The following TRAPPC9 variants were observed in gnomAD, a reference collection of about 807,000 sequenced individuals.
TRAPPC9 encodes the protein trafficking protein particle complex subunit 9.
A neutral mutation model predicts 124.0 loss-of-function variants in TRAPPC9; 83 were observed. The ratio of observed to expected loss-of-function variants is 0.67; its 90% CI spans 0.56 to 0.80. The LOEUF is 0.80. Among genes scored for constraint, TRAPPC9 ranks in the 30% least tolerant of loss-of-function variants. The pLI is 0.00. For synonymous variants in TRAPPC9, 638 were observed against 617.5 expected (o/e 1.03, Z -0.49); for missense variants, 1,302 against 1,508.3 (o/e 0.86, Z 2.27).
intron 17 of TRAPPC9, among the ~76,000 whole-genome samples, chr8:140,085,537 C>G (rs1427094245): frequency 6.6e-6 from 1 of 152,220 alleles, no homozygotes; most frequent in African/African-American, 2.4e-5. Flanking sequence ...GAAGCCCCGT[C>G]AGGCAGCCCG....
At chr8:139,996,279 C>A (rs2131755597) in intron 18 of TRAPPC9, among the ~76,000 whole-genome samples, 1 of 141,436 alleles carries the variant, frequency 7.1e-6, no homozygotes, top group African/African-American at 2.6e-5. Context: ...ATAAGATAAA[C>A]AAAATTACCA....
chr8:140,363,185 G>GAAAAGGCTTGAGC lies in TRAPPC9; in HGVS notation c.1352-2993_1352-2992insGCTCAAGCCTTTT, dbSNP rs368936929. Among the ~76,000 whole-genome samples the GAAAAGGCTTGAGC allele has an allele frequency of 5.4e-4, 82 of 152,214 alleles. No homozygotes were observed. In the East Asian group the frequency reaches 0.015, roughly 28 times the overall value. The stretch of plus-strand genomic sequence containing the variant: ...GGGCAAAATTTAATCCCTCGTCCAG[G>GAAAAGGCTTGAGC]AAAAGGCATGATCAAAAATCTTCAT... On this transcript the variant is annotated intron_variant, in intron 8 of 22. Coordinates refer to ENST00000438773, the MANE Select transcript of TRAPPC9 (RefSeq NM_001160372.4).
At chr8:139,823,819 T>A (rs1261940551) in intron 21 of TRAPPC9, among the ~76,000 whole-genome samples, 1 of 152,136 alleles carries the variant, frequency 6.6e-6, no homozygotes, top group African/African-American at 2.4e-5. Context: ...ATCCTCAGGA[T>A]AATAAAACGT....
chr8:140,057,271 A>G (rs1842341517), intron 17 of TRAPPC9, among the ~76,000 whole-genome samples: 1 of 152,258 alleles, frequency 6.6e-6, no homozygotes, highest in Admixed American at 6.5e-5. Context: ...TATGGAAAAC[A>G]GTATGAAGTT....
chr8:139,948,860 T>A (rs1834447663), intron 19 of TRAPPC9, among the ~76,000 whole-genome samples: 2 of 152,170 alleles, frequency 1.3e-5, no homozygotes, highest in African/African-American at 4.8e-5. Context: ...GCGGATCACT[T>A]GAGGTCAGGA....
intron 17 of TRAPPC9, among the ~76,000 whole-genome samples, chr8:140,179,052 C>G (rs1202432628): frequency 1.3e-5 from 2 of 152,068 alleles, no homozygotes; most frequent in African/African-American, 4.8e-5. Flanking sequence ...AGAGAACAAG[C>G]TCTTGGTTTC....
intron 9 of TRAPPC9, among the ~76,000 whole-genome samples, chr8:140,342,877 C>G (rs2067234309): frequency 6.6e-6 from 1 of 152,108 alleles, no homozygotes; most frequent in African/African-American, 2.4e-5. Flanking sequence ...GGGACAAAAA[C>G]TCAAATGTGA....
chr8:139,752,598 T>G (rs746708315), intron 21 of TRAPPC9, among the ~76,000 whole-genome samples: 6 of 148,094 alleles, frequency 4.1e-5, no homozygotes, highest in South Asian at 2.2e-4. Flanking sequence ...CCATCCACCA[T>G]TCACACATCC....
At chr8:139,976,564 G>A (rs143142905) in intron 19 of TRAPPC9, among the ~76,000 whole-genome samples, 61 of 152,308 alleles carry the variant, frequency 4.0e-4, no homozygotes, top group African/African-American at 1.4e-3. Context: ...CAATAATAAG[G>A]CGGCTACGAA....
intron 20 of TRAPPC9, among the ~76,000 whole-genome samples, chr8:139,900,012 A>C (rs1212701691): frequency 6.6e-6 from 1 of 152,194 alleles, no homozygotes; most frequent in African/African-American, 2.4e-5. Context: ...GGAAGACTTC[A>C]TTCCACCATT....
intron 19 of TRAPPC9, among the ~76,000 whole-genome samples, chr8:139,925,305 G>C (rs1304028687): frequency 3.9e-5 from 6 of 152,232 alleles, no homozygotes; most frequent in Non-Finnish European, 8.8e-5. Context: ...AGGAAAAGGG[G>C]TGGAGTCTTT....
chr8:140,358,552 C>A (rs1328954020), intron 9 of TRAPPC9, among the ~76,000 whole-genome samples: 4 of 152,224 alleles, frequency 2.6e-5, no homozygotes, highest in East Asian at 3.8e-4. Flanking sequence ...GAGATGCACA[C>A]CCCACGTTAC....
chr8:140,016,358 C>T (rs1221347045), intron 18 of TRAPPC9, among the ~76,000 whole-genome samples: 1 of 152,110 alleles, frequency 6.6e-6, no homozygotes, highest in African/African-American at 2.4e-5. Context: ...GAGGACTTTG[C>T]TAGGGTGAGG....
At chr8:139,744,468 C>T (rs1586746201) in intron 21 of TRAPPC9, among the ~76,000 whole-genome samples, 4 of 152,126 alleles carry the variant, frequency 2.6e-5, no homozygotes, top group Admixed American at 2.6e-4. Context: ...GTGACAGAGA[C>T]GGAAGAAGGA....
chr8:140,076,545 C>T (rs1369134823), intron 17 of TRAPPC9, among the ~76,000 whole-genome samples: 5 of 152,216 alleles, frequency 3.3e-5, no homozygotes, highest in African/African-American at 1.2e-4. Flanking sequence ...TGTGTCCATC[C>T]GCATTCCACG....
At chr8:139,858,136 G>C (rs1326333322) in intron 21 of TRAPPC9, among the ~76,000 whole-genome samples, 2 of 152,206 alleles carry the variant, frequency 1.3e-5, no homozygotes, top group African/African-American at 2.4e-5. Context: ...AAAACATTAT[G>C]AAAACAAGTT....
At chr8:140,278,971 A>G (rs556812487) in intron 14 of TRAPPC9, among the ~76,000 whole-genome samples, 1 of 152,140 alleles carries the variant, frequency 6.6e-6, no homozygotes, top group Admixed American at 6.5e-5. Context: ...ATCTCATCTG[A>G]CCCACTGTGT....
At chr8:140,137,513 C>T (rs757914207) in intron 17 of TRAPPC9, among the ~76,000 whole-genome samples, 6 of 152,202 alleles carry the variant, frequency 3.9e-5, no homozygotes, top group Non-Finnish European at 5.9e-5. Flanking sequence ...GGGTGCCTAC[C>T]GCAGACCGGC....
chr8:139,810,419 AG>A (rs1282553616), intron 21 of TRAPPC9, among the ~76,000 whole-genome samples: 1 of 152,162 alleles, frequency 6.6e-6, no homozygotes, highest in Admixed American at 6.5e-5. Context: ...ACAAAGTTTC[AG>A]GGATTTCACG....
Sources: allele counts gnomAD v4.1 joint callset (sites outside exome capture counted in the v4.1 genomes callset), GRCh38; gene constraint gnomAD v4.1.1; transcripts MANE v1.5; gene names NCBI Gene and HGNC (gene_info 2026-07-23, HGNC 2026-07-21).